The following SCNN1G variants were observed in gnomAD, a reference collection of about 807,000 sequenced individuals.
SCNN1G encodes the protein sodium channel epithelial 1 subunit gamma, also known as epithelial sodium channel subunit gamma.
SCNN1G carries 27 observed loss-of-function variants against 64.6 expected under a neutral mutation model. That is an observed-to-expected ratio of 0.42 (90% confidence interval 0.31 to 0.58). The LOEUF (loss-of-function observed/expected upper bound fraction) is 0.58. Among genes scored for constraint, SCNN1G ranks in the 20% least tolerant of loss-of-function variants. The pLI is 0.18. For missense variants in SCNN1G, 743 were observed against 823.4 expected (o/e 0.90, Z 1.19); for synonymous variants, 330 against 314.2 (o/e 1.05, Z -0.53).
chr16:23,187,221 A>AC (rs1175872697), intron 2 of SCNN1G, among the ~76,000 whole-genome samples: 34 of 148,352 alleles, frequency 2.3e-4, no homozygotes, highest in African/African-American at 8.3e-4. Context: ...CAATTCTCCT[A>AC]CTGCAGCCTC....
rs762357862 is a variant in SCNN1G, at chr16:23,215,200, A to G, written c.1681A>G (p.Ile561Val). ...EVFFIDFFSI[I>V]ARRQWQKAKE... is the part of the protein sequence containing the mutation. ...CTTCTTCATTGACTTCTTCTCTATC[A>G]TTGCCCGCCGCCAGTGGCAGAAAGC... Residue 561 changes from isoleucine to valine, a missense_variant, in exon 13 of 13, where the codon ATT becomes GTT. Physicochemically the swap from Ile to Val is conservative, Grantham distance 29 (BLOSUM62 3). Coordinates refer to ENST00000300061, the MANE Select transcript of SCNN1G (RefSeq NM_001039.4). 25 of 1,614,008 alleles carry G rather than the reference A, an allele frequency of 1.5e-5. No homozygotes were observed. Among genetic ancestry groups the G allele is most frequent in the Middle Eastern group, 1.6e-4 (1 of 6,062 alleles).
At chr16:23,213,545 C>T (rs1428316793) in intron 11 of SCNN1G, among the ~76,000 whole-genome samples, 3 of 152,232 alleles carry the variant, frequency 2.0e-5, no homozygotes, top group Middle Eastern at 3.2e-3. Context: ...AGCCACCAAG[C>T]CTGGCCCCCT....
intron 6 of SCNN1G, among the ~76,000 whole-genome samples, chr16:23,199,857 G>A (rs1959859832): frequency 1.3e-5 from 2 of 151,438 alleles, no homozygotes; most frequent in African/African-American, 2.4e-5. Context: ...ATTTTTAGTA[G>A]AGACAGGGTT....
intron 1 of SCNN1G, among the ~76,000 whole-genome samples, chr16:23,185,005 G>A (rs903648751): frequency 6.6e-6 from 1 of 152,178 alleles, no homozygotes; most frequent in African/African-American, 2.4e-5. Flanking sequence ...AAATAGCTGT[G>A]TTCCTTCTCT....
chr16:23,193,273 A>C (rs2141932046), intron 4 of SCNN1G, among the ~76,000 whole-genome samples: 1 of 152,224 alleles, frequency 6.6e-6, no homozygotes, highest in South Asian at 2.1e-4. Flanking sequence ...CCATGTTCAA[A>C]TATGTGAGAT....
intron 7 of SCNN1G, among the ~76,000 whole-genome samples, chr16:23,210,263 G>T (rs1960058791): frequency 6.6e-6 from 1 of 152,184 alleles, no homozygotes; most frequent in South Asian, 2.1e-4. Context: ...GATTGGATCA[G>T]GGGCTGCTAA....
chr16:23,194,192 C>T lies in SCNN1G; in HGVS notation c.831C>T (p.His277=), dbSNP rs1430268619. 3 of 1,613,544 alleles carry T rather than the reference C, an allele frequency of 1.9e-6. No homozygotes were observed. Among genetic ancestry groups the T allele is most frequent in the African/African-American group, 1.3e-5 (1 of 74,894 alleles). ...CDARNFTLFH[H]PMHGNCYTFN... Reference sequence around the variant, plus strand: ...ATAGGAATTTCACGCTTTTCCACCACCCGATGCATGGGAATTGCTATACTT... The same window carrying T: ...ATAGGAATTTCACGCTTTTCCACCATCCGATGCATGGGAATTGCTATACTT... The change falls in exon 5 of 13, where the codon CAC becomes CAT. Residue 277 remains histidine, a synonymous_variant. Coordinates refer to ENST00000300061, the MANE Select transcript of SCNN1G (RefSeq NM_001039.4).
intron 6 of SCNN1G, among the ~76,000 whole-genome samples, chr16:23,199,337 C>T (rs1211008322): frequency 6.6e-6 from 1 of 152,250 alleles, no homozygotes; most frequent in Admixed American, 6.5e-5. Flanking sequence ...TCTTCCATTG[C>T]GTGAATAAGT....
chr16:23,208,348 TA>T (rs951450072), intron 6 of SCNN1G, among the ~76,000 whole-genome samples: 19 of 148,508 alleles, frequency 1.3e-4, no homozygotes, highest in South Asian at 2.1e-4. Flanking sequence ...CCCTCATCTC[TA>T]AAAAAAAAAA....
intron 1 of SCNN1G, among the ~76,000 whole-genome samples, chr16:23,183,801 TC>T (rs1288005657): frequency 6.6e-6 from 1 of 152,198 alleles, no homozygotes; most frequent in Non-Finnish European, 1.5e-5. Context: ...ATTGCTGCTT[TC>T]CCTGCTGCTG....
At chr16:23,184,478 G>A (rs1320667281) in intron 1 of SCNN1G, among the ~76,000 whole-genome samples, 2 of 151,800 alleles carry the variant, frequency 1.3e-5, no homozygotes, top group African/African-American at 2.4e-5. Context: ...GTAAGGATAG[G>A]CAATATTTTA....
intron 7 of SCNN1G, 130 bp downstream of exon 7, chr16:23,209,978 T>C (rs1237488544): frequency 8.3e-6 from 6 of 726,776 alleles, no homozygotes; most frequent in East Asian, 5.3e-5. Flanking sequence ...TCCAGAGACC[T>C]CAAGAACAAA....
In SCNN1G at chr16:23,197,299, T is replaced by C; in HGVS notation, c.949T>C (p.Tyr317His). The C allele has an allele frequency of 1.2e-6, 2 of 1,613,968 alleles. No homozygotes were observed. The highest frequency in any genetic ancestry group is 1.1e-5 in the South Asian group (1 of 91,070). Reference protein sequence around the residue: ...QVILYINEEEYNPFLVSSTGA... With the variant: ...QVILYINEEEHNPFLVSSTGA... ...CATTTTGTACATAAACGAAGAGGAA[T>C]ACAACCCATTCCTCGTGTCCTCCAC... is the stretch of plus-strand genomic sequence containing the variant. The change falls in exon 6 of 13, where the codon TAC (tyrosine) becomes CAC (histidine). Residue 317 changes from tyrosine (Y) to histidine (H), a missense_variant. Coordinates refer to ENST00000300061, the MANE Select transcript of SCNN1G (RefSeq NM_001039.4).
chr16:23,185,735 T>G (rs1004657268), intron 1 of SCNN1G, among the ~76,000 whole-genome samples: 4 of 152,206 alleles, frequency 2.6e-5, no homozygotes, highest in African/African-American at 9.7e-5. Context: ...TTGGCAGATT[T>G]CATCTGTCAG....
rs773704976 is a variant in SCNN1G at position 23,209,831 on chromosome 16, G to A, written c.1159G>A (p.Ala387Thr). 13 of 1,613,322 alleles carry A rather than the reference G, an allele frequency of 8.1e-6. No individual in the cohort carries two copies. The highest frequency in any genetic ancestry group is 3.3e-5 in the Admixed American group (2 of 60,016). ...CGTGCCAATCAGGAACATCTACAAC[G>A]CTGCCTACTCGCTCCAGGTAACAGA... is the stretch of plus-strand genomic sequence containing the variant. ...SDVPIRNIYN[A>T]AYSLQICLHS... Residue 387 changes from alanine to threonine, a missense_variant, in exon 7 of 13, where the codon GCT (alanine) becomes ACT (threonine). Ala to Thr is a moderately conservative substitution (Grantham distance 58). Coordinates refer to ENST00000300061, the MANE Select transcript of SCNN1G (RefSeq NM_001039.4).
intron 12 of SCNN1G, 90 bp from the exon 13 acceptor site, chr16:23,214,999 A>T (rs1250265665): frequency 3.3e-6 from 5 of 1,495,080 alleles, no homozygotes; most frequent in East Asian, 2.3e-5. Flanking sequence ...GTCGGGGCTG[A>T]CCCGTGGCTC....
rs368556351 is a variant in SCNN1G at position 23,206,021 on chromosome 16, C to T, written c.1078-3729C>T. Among the ~76,000 whole-genome samples, 173 of 152,310 alleles carry T rather than the reference C, an allele frequency of 1.1e-3. 1 individual carries two copies. Among genetic ancestry groups the T allele is most frequent in the Non-Finnish European group, 1.7e-3 (118 of 68,020 alleles). ...AAACAAAGTCTTACCCAGAAATGTA[C>T]ACAATGGAAACAGAAATGCAGGATG... On this transcript the variant is annotated intron_variant, in intron 6 of 12. Coordinates refer to ENST00000300061, the MANE Select transcript of SCNN1G (RefSeq NM_001039.4).
Position 23,186,249 on chromosome 16 carries a change from G to GTCCTCAAAGTCCCA in SCNN1G, c.-17_-4dup. 6.2e-7 allele frequency: 1 copy of GTCCTCAAAGTCCCA among 1,613,652 alleles called. No homozygotes were observed. Among genetic ancestry groups the GTCCTCAAAGTCCCA allele is most frequent in the Non-Finnish European group, 8.5e-7 (1 of 1,179,610 alleles). On this transcript the variant is annotated 5_prime_UTR_variant, in exon 2 of 13. Transcript: ENST00000300061. ...CCAGCACGCCCGTCCTCAGAGTCCC[G>GTCCTCAAAGTCCCA]TCCTCAAAGTCCCATCCTCGCCATG...
intron 1 of SCNN1G, among the ~76,000 whole-genome samples, chr16:23,184,055 T>G (rs1234219561): frequency 6.6e-6 from 1 of 152,268 alleles, no homozygotes; most frequent in Non-Finnish European, 1.5e-5. Context: ...CTAGTAATTC[T>G]TCCACCAAGG....
Sources: gnomAD v4.1 joint callset for allele counts (sites outside exome capture counted in the v4.1 genomes callset) on GRCh38, gnomAD v4.1.1 for gene constraint, MANE v1.5 for transcripts, NCBI Gene and HGNC (gene_info 2026-07-23, HGNC 2026-07-21) for gene names.